Variants in EML6 observed in about 807,000 individuals in gnomAD.
The protein encoded by EML6 is EMAP like 6, also known as echinoderm microtubule-associated protein-like 6.
EML6 carries 154 observed loss-of-function variants against 240.1 expected under a neutral mutation model. That is an observed-to-expected ratio of 0.64 (90% confidence interval 0.56 to 0.73). The LOEUF is 0.73. Among genes scored for constraint, EML6 ranks in the 30% least tolerant of loss-of-function variants. The probability of loss-of-function intolerance (pLI) is 0.00; values close to 1 mark genes in which losing one functional copy is unlikely to be tolerated. For missense variants in EML6, 2,964 were observed against 2,474.6 expected, an observed-to-expected ratio of 1.20 and a Z score of -4.20; for synonymous variants, 1,148 against 899.0, an observed-to-expected ratio of 1.28 and a Z score of -4.95.
chr2:54,814,000 T>C (rs934547646), intron 3 of EML6, among the ~76,000 whole-genome samples: 7 of 152,248 alleles, frequency 4.6e-5, no homozygotes, highest in Non-Finnish European at 7.3e-5. Context: ...TCTGACTTAG[T>C]TGAATCTCTT....
Position 54,861,729 on chromosome 2 carries a change from C to CTA in EML6, c.1825+2031_1825+2032dup, listed in dbSNP as rs753929557. Among the ~76,000 whole-genome samples, 16 of 151,436 alleles carry CTA rather than the reference C, an allele frequency of 1.1e-4. 1 individual carries two copies. The highest frequency in any genetic ancestry group is 2.2e-4 in the Non-Finnish European group (15 of 67,932). ...CAGTCAGATTGGTGAGATCCTTCTC[C>CTA]TATACAAGGCCAGTCTGACGAGATA... On this transcript the variant is annotated intron_variant, in intron 12 of 41. Coordinates refer to ENST00000356458, the MANE Select transcript of EML6 (RefSeq NM_001039753.4).
chr2:54,914,705 T>G (rs114340507), intron 25 of EML6, among the ~76,000 whole-genome samples: 3,039 of 152,198 alleles, frequency 0.02, 105 homozygotes, highest in African/African-American at 0.067. Context: ...ATTGAAGAGG[T>G]AGCTCATCAT....
chr2:54,744,444 G>T lies in EML6; in HGVS notation c.197+19186G>T, dbSNP rs1683807344. Among the ~76,000 whole-genome samples, 3 of 152,158 alleles carry T rather than the reference G, an allele frequency of 2.0e-5. No individual in the cohort carries two copies. In the South Asian group the frequency reaches 6.2e-4, roughly 32 times the overall value. On this transcript the variant is annotated intron_variant, in intron 2 of 41. Transcript: ENST00000356458. The stretch of plus-strand genomic sequence containing the variant: ...CCAAATGCGGAGGTGAGCCATGGAA[G>T]CTTTGAAAGATGTTAGTGACTGTGA...
intron 2 of EML6, among the ~76,000 whole-genome samples, chr2:54,760,143 A>G (rs1667914985): frequency 6.6e-6 from 1 of 151,514 alleles, no homozygotes; most frequent in South Asian, 2.1e-4. Flanking sequence ...GTTTGACTCG[A>G]TCCATATTTT....
At chr2:54,958,528 G>C (rs1676341965) in intron 33 of EML6, among the ~76,000 whole-genome samples, 1 of 152,018 alleles carries the variant, frequency 6.6e-6, no homozygotes, top group African/African-American at 2.4e-5. Flanking sequence ...ACCAGAAAAG[G>C]TAGGACACCC....
intron 5 of EML6, among the ~76,000 whole-genome samples, chr2:54,823,737 A>G (rs896083723): frequency 6.6e-6 from 1 of 152,106 alleles, no homozygotes; most frequent in African/African-American, 2.4e-5. Flanking sequence ...GAAGAAACCC[A>G]GGACCCTAGG....
At chr2:54,828,437 C>G (rs965834290) in intron 6 of EML6, among the ~76,000 whole-genome samples, 7 of 152,180 alleles carry the variant, frequency 4.6e-5, no homozygotes, top group African/African-American at 1.7e-4. Context: ...ATGTAAAAGG[C>G]AAAGCCTATC....
intron 2 of EML6, among the ~76,000 whole-genome samples, chr2:54,735,167 C>G (rs1250699943): frequency 6.6e-6 from 1 of 152,234 alleles, no homozygotes; most frequent in Non-Finnish European, 1.5e-5. Flanking sequence ...TCTGACAGCT[C>G]AAGACTATCT....
intron 5 of EML6, among the ~76,000 whole-genome samples, chr2:54,823,719 T>G (rs1668436987): frequency 6.6e-6 from 1 of 152,132 alleles, no homozygotes; most frequent in South Asian, 2.1e-4. Flanking sequence ...CATCCTGTAC[T>G]CAGTGGTGAA....
At position 54,827,702 on chromosome 2, in the gene EML6, A is replaced by T; in HGVS notation, c.662A>T (p.Tyr221Phe). 6.4e-7 allele frequency: 1 copy of T among 1,551,708 alleles called. No homozygotes were observed. The highest frequency in any genetic ancestry group is 8.7e-7 in the Non-Finnish European group (1 of 1,146,960). ...TYSGALNGDI[Y>F]VWKGLNLVRT... is the part of the protein sequence containing the mutation. ...TCTGGTGCTTTAAATGGTGACATCT[A>T]TGTCTGGAAAGGGCTCAATTTAGTC... Residue 221 changes from tyrosine to phenylalanine, a missense_variant, in exon 6 of 42, where the codon TAT becomes TTT. Tyr to Phe is a conservative substitution (Grantham distance 22). Transcript: ENST00000356458.
chr2:54,920,817 A>C (rs1241467409), intron 26 of EML6, among the ~76,000 whole-genome samples: 1 of 152,160 alleles, frequency 6.6e-6, no homozygotes. Context: ...ACCATGATCA[A>C]GTGGAATGTG....
chr2:54,770,013 A>G (rs1668342347), intron 2 of EML6, among the ~76,000 whole-genome samples: 1 of 152,188 alleles, frequency 6.6e-6, no homozygotes, highest in South Asian at 2.1e-4. Context: ...ACTTGACTGA[A>G]TGCAGATAAT....
chr2:54,784,158 C>A (rs1668974800), intron 2 of EML6, among the ~76,000 whole-genome samples: 2 of 152,070 alleles, frequency 1.3e-5, no homozygotes, highest in African/African-American at 4.8e-5. Context: ...GTTGCCCAGG[C>A]TGGTCTCAAA....
In EML6 at chr2:54,895,297, C is replaced by T; in HGVS notation, c.2879C>T (p.Ser960Leu). The change falls in exon 21 of 42, where the codon TCA becomes TTA. Residue 960 changes from serine to leucine, a missense_variant. Physicochemically the swap from Ser to Leu is moderately radical, Grantham distance 145. Transcript: ENST00000356458. ...SKGLLLEDNP[S>L]IRAITLGHGH... ...GGCTTGCTTTTGGAAGATAACCCTT[C>T]AATTCGTGCCATCACTTTGGGACAT... The T allele has an allele frequency of 6.4e-7, 1 of 1,551,736 alleles. No homozygotes were observed. The highest frequency in any genetic ancestry group is 8.7e-7 in the Non-Finnish European group (1 of 1,146,902).
At chr2:54,902,387 G>A (rs1006364866) in intron 22 of EML6, among the ~76,000 whole-genome samples, 8 of 152,152 alleles carry the variant, frequency 5.3e-5, no homozygotes, top group African/African-American at 1.9e-4. Flanking sequence ...CCTTGGACTT[G>A]GGGAGAAGAG....
chr2:54,897,097 T>A (rs1397566001), intron 21 of EML6, among the ~76,000 whole-genome samples: 1 of 152,232 alleles, frequency 6.6e-6, no homozygotes, highest in African/African-American at 2.4e-5. Flanking sequence ...ATTTATTTAC[T>A]TTTTAATCTC....
chr2:54,835,945 G>A (rs1471078429), intron 7 of EML6, among the ~76,000 whole-genome samples: 2 of 152,166 alleles, frequency 1.3e-5, no homozygotes, highest in East Asian at 3.9e-4. Flanking sequence ...CCTTGTTTAC[G>A]ATAGAAGCAA....
At chr2:54,816,732 TGTCA>T (rs1042065084) in intron 3 of EML6, 51 bp from the exon 4 acceptor site, 2 of 1,264,782 alleles carry the variant, frequency 1.6e-6, no homozygotes, top group African/African-American at 3.0e-5. Flanking sequence ...TTTCTTAACG[TGTCA>T]GTAAGTCTTC....
At chr2:54,821,468 T>G in intron 5 of EML6, among the ~76,000 whole-genome samples, 1 of 152,168 alleles carries the variant, frequency 6.6e-6, no homozygotes, top group Non-Finnish European at 1.5e-5. Context: ...TATCTCCAAA[T>G]TTATATTTGG....
Sources: gnomAD v4.1 joint callset for allele counts (sites outside exome capture counted in the v4.1 genomes callset) on GRCh38, gnomAD v4.1.1 for gene constraint, MANE v1.5 for transcripts, NCBI Gene and HGNC (gene_info 2026-07-23, HGNC 2026-07-21) for gene names.